Variants in PCDHGB6 observed in about 807,000 individuals in gnomAD.
The protein encoded by PCDHGB6 is protocadherin gamma subfamily B, 6.
A neutral mutation model predicts 59.1 loss-of-function variants in PCDHGB6; 51 were observed. The ratio of observed to expected loss-of-function variants is 0.86; its 90% CI spans 0.69 to 1.09. PCDHGB6 has a LOEUF of 1.09. PCDHGB6 is among the 50% of genes least tolerant of loss of function. The pLI is 0.00. For missense variants in PCDHGB6, 1,148 were observed against 1,205.1 expected (o/e 0.95, Z 0.70); for synonymous variants, 466 against 495.1 (o/e 0.94, Z 0.78).
At chr5:141,503,675 T>C (rs1233495836) in intron 2 of PCDHGB6, among the ~76,000 whole-genome samples, 1 of 152,104 alleles carries the variant, frequency 6.6e-6, no homozygotes. Flanking sequence ...CTTCCCACTT[T>C]TGGGAAGGAG....
At position 141,487,010 on chromosome 5, in the gene PCDHGB6, GC is replaced by G. The variant is rs2099638172; in HGVS notation, c.2419-7793del. ...TTGGGTTTCCTATCAGCTCCTGGAG[GC>G]CCCAGATCCCAGCCTGTTTGCAGTC... is the stretch of plus-strand genomic sequence containing the variant. On this transcript the variant is annotated intron_variant, in intron 1 of 3. Coordinates refer to ENST00000520790, the MANE Select transcript of PCDHGB6 (RefSeq NM_018926.3). This position sits in a 1 kb window ranked among gnomAD's most constrained non-coding sequence, Gnocchi z 5.0. 6.2e-7 allele frequency: 1 copy of G among 1,614,096 alleles called. No individual in the cohort carries two copies. Among genetic ancestry groups the G allele is most frequent in the Non-Finnish European group, 8.5e-7 (1 of 1,180,056 alleles).
chr5:141,412,459 A>C (rs1267719740), intron 1 of PCDHGB6: 1 of 152,232 alleles, frequency 6.6e-6, no homozygotes, highest in Non-Finnish European at 1.5e-5. Flanking sequence ...AAACTATTCT[A>C]GAAGAGTACT....
chr5:141,453,021 A>G (rs1008711775), intron 1 of PCDHGB6, among the ~76,000 whole-genome samples: 1 of 152,200 alleles, frequency 6.6e-6, no homozygotes, highest in Non-Finnish European at 1.5e-5. Context: ...TATGTGATTC[A>G]TTAAAATAAA....
rs761126985 is a variant in PCDHGB6 at position 141,431,245 on chromosome 5, C to G, written c.2418+20625C>G. ...TACCCCACGCCTGGGATCCGGATAT[C>G]GGGAAGAACTCTCTGCAGAGCTACG... is the stretch of plus-strand genomic sequence containing the variant. On this transcript the variant is annotated intron_variant, in intron 1 of 3. Transcript: ENST00000520790. This position sits in a 1 kb window ranked among gnomAD's most constrained non-coding sequence, Gnocchi z 4.8. 1.2e-6 allele frequency: 2 copies of G among 1,614,016 alleles called. No homozygotes were observed. Among genetic ancestry groups the G allele is most frequent in the Non-Finnish European group, 1.7e-6 (2 of 1,180,046 alleles).
chr5:141,485,214 G>T lies in PCDHGB6; in HGVS notation c.2419-9593G>T. 6.2e-7 allele frequency: 1 copy of T among 1,614,164 alleles called. No individual in the cohort carries two copies. The highest frequency in any genetic ancestry group is 8.5e-7 in the Non-Finnish European group (1 of 1,179,996). On this transcript the variant is annotated intron_variant, in intron 1 of 3. Transcript: ENST00000520790. This position sits in a 1 kb window ranked among gnomAD's most constrained non-coding sequence, Gnocchi z 5.7. ...AGAAGCTGGACAGAAATCTGGCGGT[G>T]GGCTACCCTTTTGTTCCTCTTTTAC...
intron 1 of PCDHGB6, chr5:141,440,761 C>T (rs2098198732): frequency 6.6e-6 from 1 of 152,172 alleles, no homozygotes; most frequent in African/African-American, 2.4e-5. Context: ...GCAGAGCTCC[C>T]ATCCCTTAGT....
intron 1 of PCDHGB6, among the ~76,000 whole-genome samples, chr5:141,435,885 C>T (rs2097784639): frequency 6.6e-6 from 1 of 152,088 alleles, no homozygotes; most frequent in Non-Finnish European, 1.5e-5. Context: ...TTGGAAACCC[C>T]TTAGAGAATG....
chr5:141,488,711 A>G (rs184498001), intron 1 of PCDHGB6, among the ~76,000 whole-genome samples: 100 of 152,290 alleles, frequency 6.6e-4, no homozygotes, highest in Non-Finnish European at 1.2e-3. Context: ...TGCTGGTTCA[A>G]GCAAAGTGGT....
At chr5:141,419,939 G>GTGGCCT (rs780963377) in intron 1 of PCDHGB6, 3 of 1,614,054 alleles carry the variant, frequency 1.9e-6, no homozygotes, top group Admixed American at 1.7e-5. Flanking sequence ...TTACCTGGTG[G>GTGGCCT]TGGCCTTGGC....
At chr5:141,422,171 T>C (rs1204753893) in intron 1 of PCDHGB6, 4 of 1,564,922 alleles carry the variant, frequency 2.6e-6, no homozygotes, top group Non-Finnish European at 3.4e-6. Context: ...AAATATAGAT[T>C]CTATGAGATG....
chr5:141,498,805 C>T (rs1397026274), intron 2 of PCDHGB6, among the ~76,000 whole-genome samples: 1 of 152,000 alleles, frequency 6.6e-6, no homozygotes, highest in Non-Finnish European at 1.5e-5. Flanking sequence ...TGGTGGTGCA[C>T]ACCTGTAGTC....
At position 141,444,152 on chromosome 5, in the gene PCDHGB6, A is replaced by ATTTTTTTTTTT. The variant is rs747671382; in HGVS notation, c.2418+33558_2418+33568dup. 8.9e-5 allele frequency among the ~76,000 whole-genome samples: 3 copies of ATTTTTTTTTTT among 33,898 alleles called. 1 individual carries two copies. Among genetic ancestry groups the ATTTTTTTTTTT allele is most frequent in the African/African-American group, 4.2e-4 (3 of 7,184 alleles). 22.2% of individuals were successfully genotyped at this position (33,898 alleles called of 152,430 possible). On this transcript the variant is annotated intron_variant, in intron 1 of 3. Transcript: ENST00000520790. Reference sequence around the variant, plus strand: ...GATATGTGTCACTTGTGTGTACTGGATTTTTTTTTTTTTTTTTTTTTTTTT... The same window carrying ATTTTTTTTTTT: ...GATATGTGTCACTTGTGTGTACTGGATTTTTTTTTTTTTTTTTTTTTTTTTTTTTTTTTTTT...
intron 1 of PCDHGB6, among the ~76,000 whole-genome samples, chr5:141,481,245 T>C (rs1362728826): frequency 6.6e-6 from 1 of 152,194 alleles, no homozygotes; most frequent in East Asian, 1.9e-4. Context: ...TTACATAGCA[T>C]AGCTCTAAAA....
chr5:141,432,561 A>C lies in PCDHGB6; in HGVS notation c.2418+21941A>C, dbSNP rs746684751. On this transcript the variant is annotated intron_variant, in intron 1 of 3. Transcript: ENST00000520790. This position sits in a 1 kb window ranked among gnomAD's most constrained non-coding sequence, Gnocchi z 6.0. Reference sequence around the variant, plus strand: ...GCGGTGGACAGAGACTCCGGCCAGAACGCCTGGCTGTCCTACCGTCTGCTC... The same window carrying C: ...GCGGTGGACAGAGACTCCGGCCAGACCGCCTGGCTGTCCTACCGTCTGCTC... 37 of 1,613,308 alleles carry C rather than the reference A, an allele frequency of 2.3e-5. 1 individual carries two copies. The highest frequency in any genetic ancestry group is 2.7e-5 in the African/African-American group (2 of 74,712).
chr5:141,443,235 C>G (rs1182428300), intron 1 of PCDHGB6, among the ~76,000 whole-genome samples: 2 of 151,642 alleles, frequency 1.3e-5, no homozygotes, highest in East Asian at 1.9e-4. Flanking sequence ...AATCTTAGCA[C>G]TTTGGGGCGC....
At chr5:141,461,312 C>T (rs1318872213) in intron 1 of PCDHGB6, among the ~76,000 whole-genome samples, 1 of 152,064 alleles carries the variant, frequency 6.6e-6, no homozygotes, top group African/African-American at 2.4e-5. Flanking sequence ...TGTTTTTTGA[C>T]TTTTTAATAA....
At position 141,431,942 on chromosome 5, in the gene PCDHGB6, G is replaced by A. The variant is rs1284808063; in HGVS notation, c.2418+21322G>A. 6.2e-7 allele frequency: 1 copy of A among 1,614,116 alleles called. No homozygotes were observed. The highest frequency in any genetic ancestry group is 2.2e-5 in the East Asian group (1 of 44,884). ...CCAAGGAAATCTGCCCTTTAAATTA[G>A]AAAAATCTTACGGAAATTACTATAG... On this transcript the variant is annotated intron_variant, in intron 1 of 3. Transcript: ENST00000520790. The surrounding 1 kb of genome is among the most constrained non-coding windows in gnomAD (Gnocchi z 4.8).
At chr5:141,480,763 A>G (rs541754723) in intron 1 of PCDHGB6, among the ~76,000 whole-genome samples, 1 of 152,308 alleles carries the variant, frequency 6.6e-6, no homozygotes, top group East Asian at 1.9e-4. Flanking sequence ...GAAGGTCCCC[A>G]CTTGATCCTA....
chr5:141,448,323 A>G (rs2098582223), intron 1 of PCDHGB6, among the ~76,000 whole-genome samples: 1 of 152,080 alleles, frequency 6.6e-6, no homozygotes, highest in Non-Finnish European at 1.5e-5. Flanking sequence ...TTTTCTTTGA[A>G]TCTTTATAGC....
Sources: gnomAD v4.1 joint callset for allele counts (sites outside exome capture counted in the v4.1 genomes callset) on GRCh38, gnomAD v4.1.1 for gene constraint, Gnocchi (gnomAD v3.1) non-coding constraint, MANE v1.5 for transcripts, NCBI Gene and HGNC (gene_info 2026-07-23, HGNC 2026-07-21) for gene names.